Variants in DDX60 observed in about 807,000 individuals in gnomAD.
DDX60 encodes probable ATP-dependent RNA helicase DDX60.
Under a neutral mutation model 212.8 loss-of-function variants are expected in DDX60, and 165 were observed. The ratio of observed to expected loss-of-function variants is 0.78; its 90% CI spans 0.68 to 0.88. The LOEUF (loss-of-function observed/expected upper bound fraction) is 0.88, where lower values mean the gene tolerates loss of function less well. Among genes scored for constraint, DDX60 ranks in the 40% least tolerant of loss-of-function variants. DDX60 has a pLI of 0.00. For synonymous variants in DDX60, 703 were observed against 685.3 expected, an observed-to-expected ratio of 1.03 and a Z score of -0.40; for missense variants, 1,905 against 2,003.9, an observed-to-expected ratio of 0.95 and a Z score of 0.94.
At chr4:168,312,987 T>C (rs1392649036) in intron 1 of DDX60, among the ~76,000 whole-genome samples, 1 of 151,840 alleles carries the variant, frequency 6.6e-6, no homozygotes, top group Non-Finnish European at 1.5e-5. Context: ...GATTATAGAG[T>C]ATCTACACTT....
chr4:168,322,813 CG>C (rs1448441635), upstream of DDX60, among the ~76,000 whole-genome samples: 1 of 152,154 alleles, frequency 6.6e-6, no homozygotes, highest in Non-Finnish European at 1.5e-5. Flanking sequence ...AGGGCCACAC[CG>C]GGATGGAACT....
rs1426615811 is a variant in DDX60 at position 168,216,830 on chromosome 4, C to T, written c.*103G>A. 2 of 681,530 alleles carry T rather than the reference C, an allele frequency of 2.9e-6. No individual in the cohort carries two copies. Among genetic ancestry groups the T allele is most frequent in the East Asian group, 6.0e-5 (2 of 33,312 alleles). 42.2% of individuals were successfully genotyped at this position (681,530 alleles called of 1,614,324 possible). On this transcript the variant is annotated 3_prime_UTR_variant, in exon 38 of 38. Coordinates refer to ENST00000393743, the MANE Select transcript of DDX60 (RefSeq NM_017631.6). ...TTTCCACTTCATCGTAATGTATTTC[C>T]ACTTTATCATAATGTATTTCTGGCA...
At chr4:168,237,204 T>TTC (rs1560818116) in intron 32 of DDX60, 82 bp downstream of exon 32, 3 of 979,446 alleles carry the variant, frequency 3.1e-6, no homozygotes, top group Non-Finnish European at 4.1e-6. Context: ...ATTAAAAATA[T>TTC]TCCTGAAGTG....
intron 7 of DDX60, among the ~76,000 whole-genome samples, chr4:168,292,157 C>T (rs1736140932): frequency 6.6e-6 from 1 of 150,444 alleles, no homozygotes; most frequent in South Asian, 2.1e-4. Flanking sequence ...AAGTGATTCT[C>T]CTGCCTCAGC....
At chr4:168,314,321 T>TCACACA (rs10687990) in intron 1 of DDX60, among the ~76,000 whole-genome samples, 5,175 of 148,714 alleles carry the variant, frequency 0.035, 82 homozygotes, top group Non-Finnish European at 0.046. Flanking sequence ...GATTGAACAC[T>TCACACA]CACACACACA....
rs115584763 is a variant in DDX60 at position 168,298,426 on chromosome 4, G to A, written c.723+3874C>T. On this transcript the variant is annotated intron_variant, in intron 6 of 37. Transcript: ENST00000393743. ...TCTATCAGGTAAATGGAAACTAAAA[G>A]AGAGCAGAAGTTAGTATCTTTATAT... 3.4e-3 allele frequency among the ~76,000 whole-genome samples: 525 copies of A among 152,276 alleles called. 2 individuals carry two copies. The highest frequency in any genetic ancestry group is 0.011 in the African/African-American group (475 of 41,580).
At position 168,260,908 on chromosome 4, in the gene DDX60, C is replaced by T. The variant is rs867336734; in HGVS notation, c.3355G>A (p.Glu1119Lys). 1 of 1,610,006 alleles carries T rather than the reference C, an allele frequency of 6.2e-7. No homozygotes were observed. The highest frequency in any genetic ancestry group is 8.5e-7 in the Non-Finnish European group (1 of 1,177,598). ...NMITMFPLLVEKLRKMEKLPA... is the reference protein window; with the variant it reads ...NMITMFPLLVKKLRKMEKLPA... ...AACTTCTCCATTTTCCTTAGTTTTTCAACTAGAAGTGGAAACATGGTGATC... is the reference window on the plus strand; with the variant it reads ...AACTTCTCCATTTTCCTTAGTTTTTTAACTAGAAGTGGAAACATGGTGATC... The change falls in exon 25 of 38, where the codon GAA (glutamate) becomes AAA (lysine). Residue 1119 changes from glutamate to lysine, a missense_variant. Transcript: ENST00000393743.
intron 30 of DDX60, among the ~76,000 whole-genome samples, chr4:168,239,414 AGG>A (rs374926946): frequency 1.3e-5 from 2 of 151,846 alleles, no homozygotes; most frequent in Non-Finnish European, 2.9e-5. Context: ...AGATAGATAG[AGG>A]TAGGTAGATG....
At chr4:168,231,798 TG>T (rs1038448004) in intron 33 of DDX60, among the ~76,000 whole-genome samples, 17 of 151,994 alleles carry the variant, frequency 1.1e-4, no homozygotes, top group African/African-American at 4.1e-4. Flanking sequence ...CCCTGAGAAC[TG>T]GAATAAGAAA....
Position 168,311,029 on chromosome 4 carries a change from G to T in DDX60, c.43C>A (p.Gln15Lys). 1 of 1,578,428 alleles carries T rather than the reference G, an allele frequency of 6.3e-7. No individual in the cohort carries two copies. The highest frequency in any genetic ancestry group is 8.7e-7 in the Non-Finnish European group (1 of 1,151,002). ...TTTGGCATTTCATTCAAAATTAACTGGGACATTTCCTGTGAAAATGTTGTA... is the reference window on the plus strand; with the variant it reads ...TTTGGCATTTCATTCAAAATTAACTTGGACATTTCCTGTGAAAATGTTGTA... ...VLTTFSQEMS[Q>K]LILNEMPKAE... The change falls in exon 3 of 38, where the codon CAG becomes AAG. Residue 15 changes from glutamine (Q) to lysine (K), a missense_variant. Coordinates refer to ENST00000393743, the MANE Select transcript of DDX60 (RefSeq NM_017631.6).
At chr4:168,301,844 T>G (rs1007949166) in intron 6 of DDX60, among the ~76,000 whole-genome samples, 23 of 152,332 alleles carry the variant, frequency 1.5e-4, no homozygotes, top group African/African-American at 5.5e-4. Flanking sequence ...GGCACCAACT[T>G]AACTAATGCT....
intron 7 of DDX60, among the ~76,000 whole-genome samples, chr4:168,292,586 T>C (rs938301198): frequency 2.0e-5 from 3 of 152,214 alleles, no homozygotes; most frequent in African/African-American, 7.2e-5. Flanking sequence ...TTAAATGCTC[T>C]ATCCCATCCA....
At chr4:168,217,877 G>A (rs553704435) in intron 37 of DDX60, among the ~76,000 whole-genome samples, 1 of 152,260 alleles carries the variant, frequency 6.6e-6, no homozygotes, top group East Asian at 1.9e-4. Flanking sequence ...CAACTGGATT[G>A]AGCCCAAGAA....
At chr4:168,246,841 T>C (rs1734041790) in intron 29 of DDX60, among the ~76,000 whole-genome samples, 1 of 152,204 alleles carries the variant, frequency 6.6e-6, no homozygotes, top group Admixed American at 6.5e-5. Context: ...ACGTATTTCA[T>C]GCCATTAATT....
intron 30 of DDX60, among the ~76,000 whole-genome samples, chr4:168,238,422 GGGAAGGGA>G (rs1733713446): frequency 8.9e-4 from 1 of 1,118 alleles, no homozygotes; most frequent in Non-Finnish European, 3.0e-3. Flanking sequence ...GGAGAGGGGA[GGGAAGGGA>G]AGGGAAGGGA....
At chr4:168,239,269 AGATAGAT>A (rs1733750212) in intron 30 of DDX60, among the ~76,000 whole-genome samples, 1 of 152,088 alleles carries the variant, frequency 6.6e-6, no homozygotes. Flanking sequence ...GATGATAGGT[AGATAGAT>A]GATTGATAGA....
Position 168,248,427 on chromosome 4 carries a change from A to G in DDX60, c.3859-135T>C, listed in dbSNP as rs78086874. 4.6e-4 allele frequency: 264 copies of G among 575,638 alleles called. 4 individuals carry two copies. In the East Asian group the frequency reaches 5.8e-3, roughly 13 times the overall value. The allele number at this position is 575,638 out of a possible 1,614,324, so 35.7% of individuals were successfully genotyped here. On this transcript the variant is annotated intron_variant, in intron 28 of 37. Coordinates refer to ENST00000393743, the MANE Select transcript of DDX60 (RefSeq NM_017631.6). Reference sequence around the variant, plus strand: ...TGGGAAAGCTAGAGAAACTAGACACATTGGTACTCTTGCTATTTCACAAAC... The same window carrying G: ...TGGGAAAGCTAGAGAAACTAGACACGTTGGTACTCTTGCTATTTCACAAAC...
chr4:168,276,269 C>T, intron 14 of DDX60, 88 bp from the exon 15 acceptor site: 2 of 1,081,720 alleles, frequency 1.8e-6, no homozygotes, highest in South Asian at 1.7e-5. Flanking sequence ...TAGATGGCCT[C>T]ACTATCTCAC....
chr4:168,230,563 T>A (rs746865871), intron 33 of DDX60, among the ~76,000 whole-genome samples: 1 of 152,076 alleles, frequency 6.6e-6, no homozygotes. Flanking sequence ...TACATGGAAA[T>A]TAAATAACCT....
Sources: allele counts gnomAD v4.1 joint callset (sites outside exome capture counted in the v4.1 genomes callset), GRCh38; gene constraint gnomAD v4.1.1; transcripts MANE v1.5; gene names NCBI Gene and HGNC (gene_info 2026-07-23, HGNC 2026-07-21).